Variants in GSE1 observed in about 807,000 individuals in gnomAD.
GSE1 encodes the protein Gse1 coiled-coil protein, also known as genetic suppressor element 1.
A neutral mutation model predicts 112.6 loss-of-function variants in GSE1; 32 were observed. The observed-to-expected ratio is 0.28, with a 90% CI of 0.21 to 0.38. The LOEUF (loss-of-function observed/expected upper bound fraction) is 0.38. GSE1 is among the 10% of genes least tolerant of loss of function. The probability of loss-of-function intolerance (pLI) is 1.00; values close to 1 mark genes in which losing one functional copy is unlikely to be tolerated. For synonymous variants in GSE1, 1,115 were observed against 735.6 expected (o/e 1.52, Z -8.35); for missense variants, 2,348 against 1,699.2 (o/e 1.38, Z -6.71).
intron 1 of GSE1, among the ~76,000 whole-genome samples, chr16:85,274,360 G>C (rs1909149516): frequency 6.6e-6 from 1 of 152,090 alleles, no homozygotes; most frequent in African/African-American, 2.4e-5. Context: ...ACTCCAGCCT[G>C]GGTGACGAGA....
chr16:85,228,190 T>A (rs898220517), intron 1 of GSE1, among the ~76,000 whole-genome samples: 2 of 152,246 alleles, frequency 1.3e-5, no homozygotes, highest in Non-Finnish European at 2.9e-5. Flanking sequence ...GGAGGAGCCC[T>A]GTCACTTGGC....
Position 85,668,355 on chromosome 16 carries a change from G to A in GSE1, c.3346G>A (p.Glu1116Lys). 4 of 1,613,286 alleles carry A rather than the reference G, an allele frequency of 2.5e-6. No homozygotes were observed. The highest frequency in any genetic ancestry group is 3.4e-6 in the Non-Finnish European group (4 of 1,179,682). ...GGATGATGAAGATGGAGAAGATGAG[G>A]AGGAAGTCCCCAAGCGCAAGTGGCA... ...EEDDEDGEDE[E>K]EVPKRKWQGI... The change falls in exon 14 of 16, where the codon GAG becomes AAG. Residue 1116 changes from glutamate to lysine, a missense_variant. Transcript: ENST00000253458.
chr16:85,337,159 T>G (rs1421790876), intron 1 of GSE1, among the ~76,000 whole-genome samples: 1 of 152,166 alleles, frequency 6.6e-6, no homozygotes, highest in East Asian at 1.9e-4. Context: ...GTGTCCCCCA[T>G]CACACCAGGC....
intron 2 of GSE1, among the ~76,000 whole-genome samples, chr16:85,482,655 C>T (rs998078213): frequency 5.5e-4 from 83 of 152,210 alleles, no homozygotes; most frequent in South Asian, 2.1e-3. Context: ...GCACCCCCGT[C>T]TGCAAATCCA....
At chr16:85,188,563 A>G (rs1470212467) in intron 1 of GSE1, among the ~76,000 whole-genome samples, 1 of 152,030 alleles carries the variant, frequency 6.6e-6, no homozygotes, top group Non-Finnish European at 1.5e-5. Flanking sequence ...GCACTTTGGG[A>G]GGCTAAGGCA....
chr16:85,584,615 G>C (rs142368015), intron 1 of GSE1, among the ~76,000 whole-genome samples: 260 of 151,672 alleles, frequency 1.7e-3, no homozygotes, highest in African/African-American at 6.1e-3. Context: ...TTTCTCAGAT[G>C]GCAGCGTTAT....
intron 1 of GSE1, among the ~76,000 whole-genome samples, chr16:85,314,034 A>G (rs977921875): frequency 6.6e-5 from 10 of 150,718 alleles, no homozygotes; most frequent in Non-Finnish European, 1.2e-4. Flanking sequence ...AGACATAGCC[A>G]TTTGTGTGTG....
intron 1 of GSE1, among the ~76,000 whole-genome samples, chr16:85,277,177 C>T (rs1450903773): frequency 6.6e-6 from 1 of 151,876 alleles, no homozygotes; most frequent in African/African-American, 2.4e-5. Context: ...GAAATAGAGG[C>T]GAGACTGGGC....
intron 1 of GSE1, among the ~76,000 whole-genome samples, chr16:85,316,659 C>G (rs780890553): frequency 1.3e-5 from 2 of 152,204 alleles, no homozygotes; most frequent in Admixed American, 1.3e-4. Flanking sequence ...GGACAGCAGA[C>G]GTCCTCACTG....
At chr16:85,591,399 A>G (rs1324556296) in intron 1 of GSE1, among the ~76,000 whole-genome samples, 3 of 152,276 alleles carry the variant, frequency 2.0e-5, no homozygotes, top group African/African-American at 7.2e-5. Flanking sequence ...GTTTGGGCCA[A>G]GAGAAGGGAG....
intron 1 of GSE1, among the ~76,000 whole-genome samples, chr16:85,190,005 A>G (rs1312454927): frequency 3.3e-5 from 5 of 152,172 alleles, no homozygotes; most frequent in Admixed American, 6.5e-5. Context: ...AAGATGTATC[A>G]TCTTTTGCAC....
intron 1 of GSE1, among the ~76,000 whole-genome samples, chr16:85,633,543 G>A (rs111779983): frequency 6.6e-6 from 1 of 152,126 alleles, no homozygotes; most frequent in Non-Finnish European, 1.5e-5. Flanking sequence ...CGCCTCCTCC[G>A]CCTGGGCCTC....
At chr16:85,364,604 G>T (rs541693848) in intron 2 of GSE1, among the ~76,000 whole-genome samples, 163 of 152,306 alleles carry the variant, frequency 1.1e-3, no homozygotes, top group African/African-American at 3.8e-3. Flanking sequence ...TCAAGCTGTG[G>T]TCTCTGCTTC....
At chr16:85,432,521 G>A (rs1030768709) in intron 2 of GSE1, among the ~76,000 whole-genome samples, 183 of 152,232 alleles carry the variant, frequency 1.2e-3, no homozygotes, top group Non-Finnish European at 1.2e-4. Flanking sequence ...TTCTTTCCAC[G>A]CTTTGCTTGC....
chr16:85,245,355 C>T (rs1006442649), intron 1 of GSE1, among the ~76,000 whole-genome samples: 44 of 152,190 alleles, frequency 2.9e-4, no homozygotes, highest in African/African-American at 1.0e-3. Flanking sequence ...AGACTTTCTG[C>T]CGGGAGCATG....
intron 2 of GSE1, among the ~76,000 whole-genome samples, chr16:85,510,293 C>T (rs1460480677): frequency 6.6e-6 from 1 of 152,250 alleles, no homozygotes; most frequent in Non-Finnish European, 1.5e-5. Flanking sequence ...GTGTGAGGCC[C>T]AGCACGAAAG....
intron 2 of GSE1, among the ~76,000 whole-genome samples, chr16:85,358,950 C>T (rs924380493): frequency 6.6e-6 from 1 of 152,234 alleles, no homozygotes. Flanking sequence ...CCTCAGTTTC[C>T]TCATTTGGGA....
At chr16:85,427,787 G>A (rs993136912) in intron 2 of GSE1, among the ~76,000 whole-genome samples, 8 of 152,314 alleles carry the variant, frequency 5.3e-5, no homozygotes, top group East Asian at 1.9e-4. Flanking sequence ...AGCCCAGATC[G>A]CGCCACTGCA....
chr16:85,480,866 A>G (rs1367237271), intron 2 of GSE1, among the ~76,000 whole-genome samples: 1 of 151,920 alleles, frequency 6.6e-6, no homozygotes, highest in Non-Finnish European at 1.5e-5. Flanking sequence ...GCCTCCCTGC[A>G]CTCCTGAAAT....
Sources: allele counts gnomAD v4.1 joint callset (sites outside exome capture counted in the v4.1 genomes callset), GRCh38; gene constraint gnomAD v4.1.1; transcripts MANE v1.5; gene names NCBI Gene and HGNC (gene_info 2026-07-23, HGNC 2026-07-21).